The following MRPL14 variants were observed in gnomAD, a reference collection of about 807,000 sequenced individuals.
MRPL14 encodes mitochondrial ribosomal protein L14.
In MRPL14, 8 loss-of-function variants were observed where a neutral mutation model predicts 10.9. That is an observed-to-expected ratio of 0.74 (90% CI 0.43 to 1.33). The LOEUF (loss-of-function observed/expected upper bound fraction) is 1.33, where lower values mean the gene tolerates loss of function less well. Among genes scored for constraint, MRPL14 ranks in the 40% most tolerant of loss-of-function variants. The pLI, the probability that MRPL14 is intolerant of heterozygous loss-of-function variation, is 0.01. For missense variants in MRPL14, 179 were observed against 194.5 expected (o/e 0.92, Z 0.47); for synonymous variants, 82 against 74.1 (o/e 1.11, Z -0.54).
rs951972463 is a variant in MRPL14, at chr6:44,114,346, C to G, written c.72-137G>C. 6 of 1,023,096 alleles carry G rather than the reference C, an allele frequency of 5.9e-6. No homozygotes were observed. In the African/African-American group the frequency reaches 8.1e-5, roughly 14 times the overall value. The allele number at this position is 1,023,096 out of a possible 1,614,324, so 63.4% of individuals were successfully genotyped here. ...GCAGAGTGCTGTCCAGGAGCAGCAA[C>G]AGAAAGTCAGGACTTTGTGAAGACT... On this transcript the variant is annotated intron_variant, in intron 2 of 2. Transcript: ENST00000372014.
intron 1 of MRPL14, among the ~76,000 whole-genome samples, chr6:44,125,878 C>T (rs1462584892): frequency 4.6e-5 from 7 of 152,288 alleles, no homozygotes; most frequent in Admixed American, 3.9e-4. Flanking sequence ...TTACCAAAAA[C>T]GGGCTTCATC....
intron 1 of MRPL14, among the ~76,000 whole-genome samples, chr6:44,126,191 G>A (rs1276612658): frequency 6.6e-6 from 1 of 152,182 alleles, no homozygotes; most frequent in African/African-American, 2.4e-5. Context: ...TTTTCTCACT[G>A]CGACCTACAG....
chr6:44,122,381 C>A (rs1351211460), intron 1 of MRPL14, among the ~76,000 whole-genome samples: 2 of 152,152 alleles, frequency 1.3e-5, no homozygotes, highest in African/African-American at 2.4e-5. Context: ...CCGCGCCCTG[C>A]CAGAGAGCTC....
chr6:44,119,562 T>C (rs1404626635), intron 1 of MRPL14, among the ~76,000 whole-genome samples: 1 of 152,100 alleles, frequency 6.6e-6, no homozygotes, highest in Admixed American at 6.6e-5. Context: ...CACATGCACA[T>C]TTTACTCACA....
chr6:44,114,213 G>A lies in MRPL14; in HGVS notation c.72-4C>T. ...CGCACTCAGACTCCCAGTGGTGCTG[G>A]TGGGAGGAAAAAAAAAAGTCTGCAG... On this transcript the variant is annotated splice_region_variant and splice_polypyrimidine_tract_variant and intron_variant, in intron 2 of 2. Coordinates refer to ENST00000372014, the MANE Select transcript of MRPL14 (RefSeq NM_032111.4). 2 of 1,599,514 alleles carry A rather than the reference G, an allele frequency of 1.3e-6. No individual in the cohort carries two copies. Among genetic ancestry groups the A allele is most frequent in the Non-Finnish European group, 1.7e-6 (2 of 1,171,136 alleles).
chr6:44,114,175 T>A lies in MRPL14; in HGVS notation c.106A>T (p.Thr36Ser), dbSNP rs1410602331. 6.2e-7 allele frequency: 1 copy of A among 1,612,866 alleles called. No individual in the cohort carries two copies. The highest frequency in any genetic ancestry group is 8.5e-7 in the Non-Finnish European group (1 of 1,179,082). Residue 36 changes from threonine (T) to serine (S), a missense_variant, in exon 3 of 3, where the codon ACG becomes TCG. Coordinates refer to ENST00000372014, the MANE Select transcript of MRPL14 (RefSeq NM_032111.4). ...CTGTTGTCCACCACTCGTACCCGCGTCATCTTCTGAATCGCACTCAGACTC... is the reference window on the plus strand; with the variant it reads ...CTGTTGTCCACCACTCGTACCCGCGACATCTTCTGAATCGCACTCAGACTC... ...TGSLSAIQKM[T>S]RVRVVDNSAL...
Position 44,114,088 on chromosome 6 carries a change from C to T in MRPL14, c.193G>A (p.Gly65Arg). The T allele has an allele frequency of 6.2e-7, 1 of 1,614,218 alleles. No individual in the cohort carries two copies. ...PRCIHVYKKNGVGKVGDQILL... is the reference protein window; with the variant it reads ...PRCIHVYKKNRVGKVGDQILL... ...ATCTGGTCGCCCACCTTGCCCACTC[C>T]ATTCTTCTTATAGACATGGATGCAG... is the stretch of plus-strand genomic sequence containing the variant. Residue 65 changes from glycine (G) to arginine (R), a missense_variant, in exon 3 of 3, where the codon GGA becomes AGA. By Grantham distance (125) the Gly-to-Arg change is moderately radical. Coordinates refer to ENST00000372014, the MANE Select transcript of MRPL14 (RefSeq NM_032111.4).
chr6:44,126,283 C>T (rs1261294052), intron 1 of MRPL14, among the ~76,000 whole-genome samples: 1 of 152,232 alleles, frequency 6.6e-6, no homozygotes, highest in African/African-American at 2.4e-5. Flanking sequence ...CTAAGTGCAA[C>T]ACCCTCTGAT....
Position 44,113,975 on chromosome 6 carries a change from G to C in MRPL14, c.306C>G (p.Ser102=), listed in dbSNP as rs1775585390. 6.2e-7 allele frequency: 1 copy of C among 1,614,098 alleles called. No individual in the cohort carries two copies. The highest frequency in any genetic ancestry group is 1.1e-5 in the South Asian group (1 of 91,082). The change falls in exon 3 of 3, where the codon TCC becomes TCG. Residue 102 remains serine, a synonymous_variant. Transcript: ENST00000372014. ...PGPRMTPRFD[S]NNVVLIEDNG... is the part of the protein sequence containing the mutation. ...TGTCCTCAATGAGGACCACGTTGTT[G>C]GAGTCGAATCTGGGGGTCATTCGGG... is the stretch of plus-strand genomic sequence containing the variant.
At chr6:44,117,168 C>A (rs1775932452) in intron 1 of MRPL14, among the ~76,000 whole-genome samples, 1 of 152,174 alleles carries the variant, frequency 6.6e-6, no homozygotes, top group Admixed American at 6.5e-5. Flanking sequence ...CAAAGCAAAG[C>A]CAAAGGCTGC....
chr6:44,117,833 T>C (rs976773311), intron 1 of MRPL14, among the ~76,000 whole-genome samples: 1 of 140,652 alleles, frequency 7.1e-6, no homozygotes, highest in African/African-American at 2.8e-5. Flanking sequence ...CCTGGCTAAT[T>C]TTTTGTGTTT....
chr6:44,119,084 C>T (rs1171391266), intron 1 of MRPL14, among the ~76,000 whole-genome samples: 7 of 152,186 alleles, frequency 4.6e-5, no homozygotes, highest in African/African-American at 1.7e-4. Context: ...TGCCCAAGGT[C>T]ACATGGCTAG....
chr6:44,115,262 G>C (rs950249065), intron 2 of MRPL14, among the ~76,000 whole-genome samples: 1 of 151,782 alleles, frequency 6.6e-6, no homozygotes, highest in African/African-American at 2.4e-5. Context: ...CTCCAGCCCC[G>C]CCTCTCTTCT....
At chr6:44,123,113 A>G (rs1185041425) in intron 1 of MRPL14, among the ~76,000 whole-genome samples, 1 of 152,202 alleles carries the variant, frequency 6.6e-6, no homozygotes, top group Non-Finnish European at 1.5e-5. Flanking sequence ...CTAGCACCCA[A>G]TGGAAACAAA....
intron 1 of MRPL14, among the ~76,000 whole-genome samples, chr6:44,124,180 G>A (rs1776711719): frequency 6.6e-6 from 1 of 152,094 alleles, no homozygotes; most frequent in Admixed American, 6.6e-5. Flanking sequence ...TGTCAGATAG[G>A]CAGGAGAGTA....
At chr6:44,120,268 A>C (rs1489526974) in intron 1 of MRPL14, among the ~76,000 whole-genome samples, 2 of 152,194 alleles carry the variant, frequency 1.3e-5, no homozygotes, top group African/African-American at 2.4e-5. Flanking sequence ...CACTATCCAA[A>C]CACCCACAAT....
chr6:44,125,243 G>A (rs942562839), intron 1 of MRPL14, among the ~76,000 whole-genome samples: 6 of 152,284 alleles, frequency 3.9e-5, no homozygotes, highest in Admixed American at 3.3e-4. Flanking sequence ...GTCACTTGAT[G>A]GCTCACACAC....
chr6:44,118,268 T>C (rs939606564), intron 1 of MRPL14, among the ~76,000 whole-genome samples: 1 of 152,200 alleles, frequency 6.6e-6, no homozygotes, highest in South Asian at 2.1e-4. Context: ...GGGATACTAA[T>C]AGTATCTGCC....
chr6:44,118,937 C>A (rs1776136088), intron 1 of MRPL14, among the ~76,000 whole-genome samples: 1 of 152,104 alleles, frequency 6.6e-6, no homozygotes, highest in South Asian at 2.1e-4. Context: ...GCACTCCAGC[C>A]TGGGCAACAA....
Sources: gnomAD v4.1 joint callset for allele counts (sites outside exome capture counted in the v4.1 genomes callset) on GRCh38, gnomAD v4.1.1 for gene constraint, MANE v1.5 for transcripts, NCBI Gene and HGNC (gene_info 2026-07-23, HGNC 2026-07-21) for gene names.